The following EPB41L4B variants were observed in gnomAD, a reference collection of about 807,000 sequenced individuals.
EPB41L4B encodes band 4.1-like protein 4B.
In EPB41L4B, 30 loss-of-function variants were observed where a neutral mutation model predicts 112.5. That is an observed-to-expected ratio of 0.27 (90% confidence interval 0.20 to 0.36). The LOEUF is 0.36. Ranked by LOEUF, EPB41L4B falls within the 10% of genes least tolerant of loss-of-function variation. The pLI is 1.00. For missense variants in EPB41L4B, 1,024 were observed against 1,133.3 expected, an observed-to-expected ratio of 0.90 and a Z score of 1.38; for synonymous variants, 408 against 439.7, an observed-to-expected ratio of 0.93 and a Z score of 0.90.
chr9:109,290,603 G>A (rs532929939), intron 1 of EPB41L4B, among the ~76,000 whole-genome samples: 2 of 152,078 alleles, frequency 1.3e-5, no homozygotes, highest in South Asian at 4.2e-4. Context: ...CCAACCTCAA[G>A]GCCTGTTTCA....
At chr9:109,267,968 C>T (rs898579965) in intron 3 of EPB41L4B, among the ~76,000 whole-genome samples, 3 of 152,028 alleles carry the variant, frequency 2.0e-5, no homozygotes, top group African/African-American at 7.2e-5. Context: ...TAAAAATTAC[C>T]CAAGCATAAA....
intron 4 of EPB41L4B, among the ~76,000 whole-genome samples, chr9:109,265,551 A>C (rs113274509): frequency 1.3e-5 from 2 of 149,970 alleles, no homozygotes; most frequent in Admixed American, 1.3e-4. Flanking sequence ...ACAGCACACA[A>C]ACACACACAC....
At chr9:109,272,100 A>G (rs1270434161) in intron 2 of EPB41L4B, among the ~76,000 whole-genome samples, 1 of 152,146 alleles carries the variant, frequency 6.6e-6, no homozygotes, top group Non-Finnish European at 1.5e-5. Context: ...AGCCTTCACC[A>G]TTAAGTCTGA....
At chr9:109,241,395 C>T (rs1588163214) in intron 15 of EPB41L4B, 1 of 1,202,612 alleles carries the variant, frequency 8.3e-7, no homozygotes, top group East Asian at 4.2e-5. Context: ...AAATGATAAA[C>T]ATAGACTTTG....
intron 1 of EPB41L4B, among the ~76,000 whole-genome samples, chr9:109,294,672 C>CTGTGTGTGTGTGTG (rs56261244): frequency 1.4e-5 from 2 of 147,842 alleles, no homozygotes; most frequent in African/African-American, 5.0e-5. Context: ...GATATTGTGG[C>CTGTGTGTGTGTGTG]TGTGTGTGTG....
chr9:109,215,948 G>C (rs570199619), intron 16 of EPB41L4B, among the ~76,000 whole-genome samples: 128 of 152,190 alleles, frequency 8.4e-4, no homozygotes, highest in South Asian at 7.9e-3. Context: ...AACATGGCAA[G>C]ACCCTGTCAT....
chr9:109,185,670 G>A, intron 22 of EPB41L4B, 65 bp from the exon 23 acceptor site: 2 of 1,249,566 alleles, frequency 1.6e-6, no homozygotes, highest in Non-Finnish European at 2.3e-6. Context: ...AGGAAGAGGA[G>A]GTAGGGGAAG....
At chr9:109,303,623 G>C (rs952219558) in intron 1 of EPB41L4B, among the ~76,000 whole-genome samples, 1 of 152,108 alleles carries the variant, frequency 6.6e-6, no homozygotes, top group Non-Finnish European at 1.5e-5. Flanking sequence ...AAAGTACTGG[G>C]ATCACAGGTG....
chr9:109,252,562 G>T (rs1178197192), intron 12 of EPB41L4B, among the ~76,000 whole-genome samples: 1 of 152,108 alleles, frequency 6.6e-6, no homozygotes, highest in East Asian at 1.9e-4. Context: ...AGAATGGTGG[G>T]GAACACAAAG....
chr9:109,203,848 T>G (rs151189551), intron 18 of EPB41L4B, 118 bp from the exon 19 acceptor site: 15,924 of 768,376 alleles, frequency 0.021, 241 homozygotes, highest in Middle Eastern at 0.043. Flanking sequence ...AAGAGGTAGT[T>G]CACCAAGTAC....
intron 15 of EPB41L4B, 29 bp downstream of exon 15, chr9:109,243,589 G>A: frequency 6.2e-7 from 1 of 1,609,926 alleles, no homozygotes; most frequent in East Asian, 2.2e-5. Context: ...AGCTTTCGAA[G>A]GTGCAGCTCT....
At chr9:109,249,393 C>T (rs530950491) in intron 13 of EPB41L4B, among the ~76,000 whole-genome samples, 1 of 152,186 alleles carries the variant, frequency 6.6e-6, no homozygotes, top group Admixed American at 6.5e-5. Context: ...AGCAATCCTA[C>T]TCACCCTGGG....
rs1433334004 is a variant in EPB41L4B, at chr9:109,249,072, A to AAAAT, written c.1311-1284_1311-1283insATTT. On this transcript the variant is annotated intron_variant, in intron 13 of 25. Coordinates refer to ENST00000374566, the MANE Select transcript of EPB41L4B (RefSeq NM_019114.5). Reference sequence around the variant, plus strand: ...AGACTCCATCTCAAAAAAAAAAAAAAATATATATATATATATATGTATATA... The same window carrying AAAAT: ...AGACTCCATCTCAAAAAAAAAAAAAAAAATATATATATATATATATATGTATATA... Among the ~76,000 whole-genome samples the AAAAT allele has an allele frequency of 3.9e-3, 509 of 130,870 alleles. 2 individuals carry two copies. The highest frequency in any genetic ancestry group is 0.014 in the African/African-American group (497 of 35,082). The allele number at this position is 130,870 out of a possible 152,430, so 85.9% of individuals were successfully genotyped here. A position where few individuals can be genotyped will look rare whatever the true frequency, so the allele number is the denominator to read the frequency against.
Position 109,198,813 on chromosome 9 carries a change from G to C in EPB41L4B, c.2045+1423C>G, listed in dbSNP as rs564726714. On this transcript the variant is annotated intron_variant, in intron 20 of 25. Transcript: ENST00000374566. Reference sequence around the variant, plus strand: ...TAATCCCAACTACTTGGGAGGCTGAGACAGGAGAATTGCTTGAATCCGGGA... The same window carrying C: ...TAATCCCAACTACTTGGGAGGCTGACACAGGAGAATTGCTTGAATCCGGGA... 2.0e-5 allele frequency among the ~76,000 whole-genome samples: 3 copies of C among 151,784 alleles called. No individual in the cohort carries two copies. In the East Asian group the frequency reaches 5.8e-4, roughly 29 times the overall value.
At chr9:109,271,233 C>T (rs1338131129) in intron 2 of EPB41L4B, among the ~76,000 whole-genome samples, 1 of 152,236 alleles carries the variant, frequency 6.6e-6, no homozygotes, top group Admixed American at 6.5e-5. Flanking sequence ...CCATTGTGGG[C>T]TGGGCTCCAT....
At chr9:109,235,537 A>C (rs1248363871) in intron 15 of EPB41L4B, among the ~76,000 whole-genome samples, 1 of 151,918 alleles carries the variant, frequency 6.6e-6, no homozygotes, top group Non-Finnish European at 1.5e-5. Flanking sequence ...CTGGGACTAC[A>C]CAGGCACACA....
chr9:109,184,189 C>T (rs1001762814), intron 23 of EPB41L4B, among the ~76,000 whole-genome samples: 2 of 152,332 alleles, frequency 1.3e-5, no homozygotes, highest in Middle Eastern at 3.4e-3. Context: ...ATAAGACTCT[C>T]AGATCATCAT....
In EPB41L4B at chr9:109,194,272, A is replaced by T. The variant is rs775979039; in HGVS notation, c.2171T>A (p.Val724Asp). Reference sequence around the variant, plus strand: ...GCCTTCTGACTTGTGAGGCGAGCTGACATTCTGGACCTTGGGGGACGGCAG... The same window carrying T: ...GCCTTCTGACTTGTGAGGCGAGCTGTCATTCTGGACCTTGGGGGACGGCAG... ...VPLPSPKVQN[V>D]SSPHKSEGKG... Residue 724 changes from valine to aspartate, a missense_variant, in exon 21 of 26, where the codon GTC becomes GAC. Transcript: ENST00000374566. The T allele has an allele frequency of 6.2e-7, 1 of 1,614,212 alleles. No homozygotes were observed. The highest frequency in any genetic ancestry group is 8.5e-7 in the Non-Finnish European group (1 of 1,180,040).
chr9:109,304,099 C>T (rs532997247), intron 1 of EPB41L4B, among the ~76,000 whole-genome samples: 1 of 152,322 alleles, frequency 6.6e-6, no homozygotes, highest in South Asian at 2.1e-4. Context: ...TGCACTTCTG[C>T]TTCCTTATCC....
Sources: allele counts gnomAD v4.1 joint callset (sites outside exome capture counted in the v4.1 genomes callset), GRCh38; gene constraint gnomAD v4.1.1; transcripts MANE v1.5; gene names NCBI Gene and HGNC (gene_info 2026-07-23, HGNC 2026-07-21).